The following SULT2B1 variants were observed in gnomAD, a reference collection of about 807,000 sequenced individuals.
SULT2B1 encodes sulfotransferase family 2B member 1, also known as sulfotransferase 2B1.
In SULT2B1, 16 loss-of-function variants were observed where a neutral mutation model predicts 33.2. The observed-to-expected ratio is 0.48, with a 90% CI of 0.33 to 0.73. The LOEUF (loss-of-function observed/expected upper bound fraction) is 0.73. Ranked by LOEUF, SULT2B1 falls within the 30% of genes least tolerant of loss-of-function variation. The pLI, the probability that SULT2B1 is intolerant of heterozygous loss-of-function variation, is 0.02. For synonymous variants in SULT2B1, 186 were observed against 200.5 expected (o/e 0.93, Z 0.61); for missense variants, 500 against 506.0 (o/e 0.99, Z 0.11).
intron 5 of SULT2B1, among the ~76,000 whole-genome samples, chr19:48,593,730 G>A (rs1414296326): frequency 6.7e-6 from 1 of 149,980 alleles, no homozygotes; most frequent in African/African-American, 2.4e-5. Flanking sequence ...CAACTCCCAC[G>A]TTCAAGCAAT....
intron 3 of SULT2B1, among the ~76,000 whole-genome samples, chr19:48,589,095 G>A (rs1255806145): frequency 1.3e-5 from 2 of 152,224 alleles, no homozygotes; most frequent in African/African-American, 4.8e-5. Flanking sequence ...ACCGACTGTC[G>A]AGAGAGCAGA....
intron 3 of SULT2B1, 64 bp downstream of exon 3, chr19:48,587,501 C>A: frequency 1.3e-6 from 2 of 1,545,084 alleles, no homozygotes; most frequent in South Asian, 1.1e-5. Flanking sequence ...AATGGGGGGA[C>A]GGAGCATAAC....
At chr19:48,575,098 AC>A (rs1405207055) in intron 1 of SULT2B1, among the ~76,000 whole-genome samples, 1 of 111,282 alleles carries the variant, frequency 9.0e-6, no homozygotes, top group African/African-American at 3.4e-5. Flanking sequence ...CTCTGTTTTA[AC>A]CTTTTTTTTT....
At chr19:48,567,008 A>G (rs1973253331) in intron 1 of SULT2B1, among the ~76,000 whole-genome samples, 1 of 151,960 alleles carries the variant, frequency 6.6e-6, no homozygotes, top group Non-Finnish European at 1.5e-5. Flanking sequence ...GTTTTAAAAA[A>G]AAAGAGAGGG....
rs567795772 is a variant in SULT2B1, at chr19:48,590,315, G to A, written c.424-1294G>A. Among the ~76,000 whole-genome samples, 144 of 152,018 alleles carry A rather than the reference G, an allele frequency of 9.5e-4. 1 individual carries two copies. The highest frequency in any genetic ancestry group is 3.2e-3 in the African/African-American group (131 of 41,512). On this transcript the variant is annotated intron_variant, in intron 3 of 6. Transcript: ENST00000201586. ...ACAAGACCTTGTTTCTAAAAAATAA[G>A]ACTAGGCTGGGCATGGTGGCTCATG... is the stretch of plus-strand genomic sequence containing the variant.
intron 1 of SULT2B1, among the ~76,000 whole-genome samples, chr19:48,554,764 G>C (rs1167115071): frequency 7.0e-6 from 1 of 141,982 alleles, no homozygotes; most frequent in African/African-American, 2.6e-5. Flanking sequence ...CCCAGGTTCA[G>C]GTGTATTACC....
intron 1 of SULT2B1, among the ~76,000 whole-genome samples, chr19:48,563,956 T>A: frequency 8.9e-6 from 1 of 111,808 alleles, no homozygotes; most frequent in South Asian, 2.7e-4. Context: ...AGAGACTTCC[T>A]CTCAAAAAAA....
rs187429592 is a variant in SULT2B1 at position 48,594,997 on chromosome 19, G to C, written c.646-1742G>C. 2.1e-3 allele frequency among the ~76,000 whole-genome samples: 323 copies of C among 151,670 alleles called. 1 individual carries two copies. Among genetic ancestry groups the C allele is most frequent in the Non-Finnish European group, 2.9e-3 (197 of 67,890 alleles). On this transcript the variant is annotated intron_variant, in intron 5 of 6. Coordinates refer to ENST00000201586, the MANE Select transcript of SULT2B1 (RefSeq NM_177973.2). ...AGATAGCACCACTGCACTCCAGCCTGGGTGACAGAGCCAGGCTTAGTCTCA... is the reference window on the plus strand; with the variant it reads ...AGATAGCACCACTGCACTCCAGCCTCGGTGACAGAGCCAGGCTTAGTCTCA...
At chr19:48,579,605 C>CTTTCTTCCTTT (rs71179013) in intron 2 of SULT2B1, among the ~76,000 whole-genome samples, 1 of 79,734 alleles carries the variant, frequency 1.3e-5, no homozygotes, top group Non-Finnish European at 2.3e-5. Flanking sequence ...TTCTTTCTTT[C>CTTTCTTCCTTT]TTTTTTTTTT....
rs533741532 is a variant in SULT2B1, at chr19:48,593,279, T to C, written c.645+463T>C. Among the ~76,000 whole-genome samples the C allele has an allele frequency of 1.4e-4, 21 of 151,668 alleles. 1 individual carries two copies. The East Asian group carries it at 4.1e-3, about 30-fold the overall frequency. On this transcript the variant is annotated intron_variant, in intron 5 of 6. Transcript: ENST00000201586. The stretch of plus-strand genomic sequence containing the variant: ...CAAAAGAGAGAGAGAAGGCCAGGTG[T>C]GGTGGTTCACACCTGTAATCCCAGC...
chr19:48,565,333 GGGGT>G (rs1458665014), intron 1 of SULT2B1, among the ~76,000 whole-genome samples: 1 of 151,574 alleles, frequency 6.6e-6, no homozygotes, highest in Non-Finnish European at 1.5e-5. Context: ...TGTTTATGGG[GGGGT>G]GTGTGTGTGT....
chr19:48,574,048 A>G (rs917943981), intron 1 of SULT2B1, among the ~76,000 whole-genome samples: 3 of 151,984 alleles, frequency 2.0e-5, no homozygotes, highest in Non-Finnish European at 2.9e-5. Flanking sequence ...TTAAACAGAG[A>G]CAGTGTTCTC....
At chr19:48,592,540 G>A (rs1973656553) in intron 4 of SULT2B1, among the ~76,000 whole-genome samples, 182 bp from the exon 5 acceptor site, 1 of 152,180 alleles carries the variant, frequency 6.6e-6, no homozygotes, top group Non-Finnish European at 1.5e-5. Flanking sequence ...GCAACCAGGG[G>A]AGAAGCAGGT....
chr19:48,595,340 C>T (rs1973696338), intron 5 of SULT2B1, among the ~76,000 whole-genome samples: 1 of 152,036 alleles, frequency 6.6e-6, no homozygotes, highest in African/African-American at 2.4e-5. Flanking sequence ...ACCTGAGCTC[C>T]TCTCTGGCTG....
chr19:48,596,676 G>A, intron 5 of SULT2B1, 63 bp from the exon 6 acceptor site: 1 of 1,479,958 alleles, frequency 6.8e-7, no homozygotes, highest in Non-Finnish European at 9.0e-7. Flanking sequence ...GCGGATCCCA[G>A]GTTCCACGCT....
At chr19:48,553,395 C>A (rs559167203) in intron 1 of SULT2B1, among the ~76,000 whole-genome samples, 2 of 152,190 alleles carry the variant, frequency 1.3e-5, no homozygotes, top group Admixed American at 6.5e-5. Context: ...GCAGCCTCCG[C>A]GTCCTGGGTT....
At chr19:48,559,053 C>T (rs1973141367) in intron 1 of SULT2B1, among the ~76,000 whole-genome samples, 1 of 151,924 alleles carries the variant, frequency 6.6e-6, no homozygotes, top group South Asian at 2.1e-4. Context: ...TAAGGCATTG[C>T]CTCCCCGCTG....
intron 1 of SULT2B1, among the ~76,000 whole-genome samples, chr19:48,554,897 G>A (rs942737426): frequency 4.0e-5 from 6 of 151,650 alleles, no homozygotes; most frequent in African/African-American, 7.3e-5. Flanking sequence ...AGCAGGGCAC[G>A]GCCAGGATTT....
At chr19:48,564,160 C>T (rs1029436715) in intron 1 of SULT2B1, among the ~76,000 whole-genome samples, 24 of 151,214 alleles carry the variant, frequency 1.6e-4, no homozygotes, top group Admixed American at 5.3e-4. Context: ...GCAGGGGAAT[C>T]GCTTGAACCC....
Sources: allele counts gnomAD v4.1 joint callset (sites outside exome capture counted in the v4.1 genomes callset), GRCh38; gene constraint gnomAD v4.1.1; transcripts MANE v1.5; gene names NCBI Gene and HGNC (gene_info 2026-07-23, HGNC 2026-07-21).